The following CACNA1D variants were observed in gnomAD, a reference collection of about 807,000 sequenced individuals.
The protein encoded by CACNA1D is voltage-dependent L-type calcium channel subunit alpha-1D.
Under a neutral mutation model 257.1 loss-of-function variants are expected in CACNA1D, and 55 were observed. The observed-to-expected ratio is 0.21, with a 90% CI of 0.17 to 0.27. CACNA1D has a LOEUF of 0.27. Ranked by LOEUF, CACNA1D falls within the 10% of genes least tolerant of loss-of-function variation. The pLI is 1.00. For synonymous variants in CACNA1D, 980 were observed against 1,014.9 expected (o/e 0.97, Z 0.65); for missense variants, 1,876 against 2,784.0 (o/e 0.67, Z 7.34).
chr3:53,498,483 T>C (rs1362346578), intron 2 of CACNA1D, among the ~76,000 whole-genome samples: 1 of 152,194 alleles, frequency 6.6e-6, no homozygotes, highest in Non-Finnish European at 1.5e-5. Flanking sequence ...AGATGATTCA[T>C]TGGTCTGGGT....
At chr3:53,548,020 A>G (rs975588409) in intron 3 of CACNA1D, among the ~76,000 whole-genome samples, 1 of 152,214 alleles carries the variant, frequency 6.6e-6, no homozygotes, top group Non-Finnish European at 1.5e-5. Context: ...CAGATTTTAC[A>G]GCTGGGTAGG....
intron 7 of CACNA1D, among the ~76,000 whole-genome samples, chr3:53,670,104 G>A (rs985375704): frequency 1.3e-5 from 2 of 152,140 alleles, no homozygotes; most frequent in African/African-American, 2.4e-5. Context: ...ACACTCCTAC[G>A]GAGGTGCTGG....
chr3:53,575,940 T>G lies in CACNA1D; in HGVS notation c.483+74220T>G, dbSNP rs1575939019. On this transcript the variant is annotated intron_variant, in intron 3 of 47. Transcript: ENST00000350061. ...TTCCTTGACTGGCAAATTTTTTTTC[T>G]GTTCTTAAAATTAAGCTTATAAATG... 2.6e-5 allele frequency among the ~76,000 whole-genome samples: 4 copies of G among 152,336 alleles called. No homozygotes were observed. The South Asian group carries it at 8.3e-4, about 32-fold the overall frequency.
At chr3:53,712,950 G>A (rs535896247) in intron 9 of CACNA1D, among the ~76,000 whole-genome samples, 69 of 152,190 alleles carry the variant, frequency 4.5e-4, no homozygotes, top group Non-Finnish European at 9.4e-4. Context: ...CTTGACTGGA[G>A]GACTGAGGCT....
At chr3:53,665,628 C>T (rs1303687199) in intron 5 of CACNA1D, 32 bp from the exon 6 acceptor site, 1 of 1,596,808 alleles carries the variant, frequency 6.3e-7, no homozygotes, top group Non-Finnish European at 8.6e-7. Context: ...GCCTTCCTGG[C>T]TCACAAACTT....
In CACNA1D at chr3:53,810,299, G is replaced by A. The variant is rs1298559319; in HGVS notation, c.6192+1G>A. On this transcript the variant is annotated splice_donor_variant, in intron 47 of 47. Coordinates refer to ENST00000350061, the MANE Select transcript of CACNA1D (RefSeq NM_001128840.3). LOFTEE classifies it high-confidence loss of function. ...GAGTGCGGACAGCTTGGTGGAGGCA[G>A]TGAGTACGGTTCTTGGCCGTGGTGG... is the stretch of plus-strand genomic sequence containing the variant. 1 of 1,613,512 alleles carries A rather than the reference G, an allele frequency of 6.2e-7. No individual in the cohort carries two copies.
chr3:53,498,919 T>C (rs890593832), intron 2 of CACNA1D, among the ~76,000 whole-genome samples: 11 of 152,212 alleles, frequency 7.2e-5, no homozygotes, highest in Admixed American at 5.9e-4. Context: ...GTGTGCATTT[T>C]CTTTTGAAGT....
intron 19 of CACNA1D, among the ~76,000 whole-genome samples, chr3:53,734,549 G>C (rs981548958): frequency 6.6e-6 from 1 of 151,986 alleles, no homozygotes; most frequent in African/African-American, 2.4e-5. Context: ...TGAGGGTATG[G>C]ATAACCAGTT....
At chr3:53,566,907 C>T (rs939941289) in intron 3 of CACNA1D, among the ~76,000 whole-genome samples, 14 of 152,322 alleles carry the variant, frequency 9.2e-5, no homozygotes, top group African/African-American at 2.4e-4. Context: ...CTTCAGGGCT[C>T]GGACTGAGCC....
chr3:53,802,059 G>A, intron 42 of CACNA1D, 88 bp from the exon 43 acceptor site: 2 of 1,154,666 alleles, frequency 1.7e-6, no homozygotes, highest in Admixed American at 3.4e-5. Flanking sequence ...CCTACTCTAG[G>A]AGGTAGCCTG....
At chr3:53,753,148 G>T (rs1253036119) in intron 28 of CACNA1D, among the ~76,000 whole-genome samples, 1 of 152,154 alleles carries the variant, frequency 6.6e-6, no homozygotes, top group African/African-American at 2.4e-5. Context: ...TGCTGACGTA[G>T]AAGAAAGTGT....
At chr3:53,599,279 C>A (rs1271040904) in intron 3 of CACNA1D, among the ~76,000 whole-genome samples, 1 of 152,118 alleles carries the variant, frequency 6.6e-6, no homozygotes, top group Non-Finnish European at 1.5e-5. Context: ...GGACTTTTGG[C>A]TGTTTTCCTC....
At chr3:53,540,827 C>T (rs940736813) in intron 3 of CACNA1D, among the ~76,000 whole-genome samples, 2 of 151,960 alleles carry the variant, frequency 1.3e-5, no homozygotes, top group Non-Finnish European at 2.9e-5. Flanking sequence ...CTGCTACCTC[C>T]GCCTCCTGGG....
intron 42 of CACNA1D, 57 bp from the exon 43 acceptor site, chr3:53,802,090 G>T (rs2095539164): frequency 1.4e-6 from 2 of 1,448,422 alleles, no homozygotes; most frequent in East Asian, 4.5e-5. Context: ...TGTAAATTTG[G>T]TTGGAAATTA....
In CACNA1D at chr3:53,812,431, G is replaced by GAGTC. The variant is rs1198661919; in HGVS notation, c.*1027_*1030dup. On this transcript the variant is annotated 3_prime_UTR_variant, in exon 48 of 48. Transcript: ENST00000350061. ...TACAGAAATTTTTCTAAAATATTTTGAGTCACTATAAACCTATCATCTTTC... is the reference window on the plus strand; with the variant it reads ...TACAGAAATTTTTCTAAAATATTTTGAGTCAGTCACTATAAACCTATCATCTTTC... 1.3e-5 allele frequency: 2 copies of GAGTC among 152,160 alleles called. No homozygotes were observed. Among genetic ancestry groups the GAGTC allele is most frequent in the African/African-American group, 4.8e-5 (2 of 41,432 alleles). 9.4% of individuals were successfully genotyped at this position (152,160 alleles called of 1,614,324 possible).
At chr3:53,525,642 C>A (rs942476581) in intron 3 of CACNA1D, among the ~76,000 whole-genome samples, 3 of 152,064 alleles carry the variant, frequency 2.0e-5, no homozygotes, top group Non-Finnish European at 2.9e-5. Context: ...TGAAGGTGAC[C>A]TATATAATTC....
chr3:53,495,377 G>A lies in CACNA1D; in HGVS notation c.67+144G>A, dbSNP rs570577081. ...CTCGGTGTCGTCTACACAGAGAGGGGACATGCGTGACAGCCACTCCGCGCT... is the reference window on the plus strand; with the variant it reads ...CTCGGTGTCGTCTACACAGAGAGGGAACATGCGTGACAGCCACTCCGCGCT... On this transcript the variant is annotated intron_variant, in intron 1 of 47. Coordinates refer to ENST00000350061, the MANE Select transcript of CACNA1D (RefSeq NM_001128840.3). The surrounding 1 kb of genome is among the most constrained non-coding windows in gnomAD (Gnocchi z 5.1). 8 of 891,736 alleles carry A rather than the reference G, an allele frequency of 9.0e-6. No individual in the cohort carries two copies. The East Asian group carries it at 2.0e-4, about 23-fold the overall frequency. The allele number at this position is 891,736 out of a possible 1,614,324, so 55.2% of individuals were successfully genotyped here. A position where few individuals can be genotyped will look rare whatever the true frequency, so the allele number is the denominator to read the frequency against.
At chr3:53,613,240 T>C (rs1204879559) in intron 3 of CACNA1D, among the ~76,000 whole-genome samples, 1 of 152,244 alleles carries the variant, frequency 6.6e-6, no homozygotes, top group Non-Finnish European at 1.5e-5. Flanking sequence ...ATGCTTTGCA[T>C]TGGCTTCTGC....
At chr3:53,627,735 G>A (rs746336911) in intron 3 of CACNA1D, among the ~76,000 whole-genome samples, 7 of 152,216 alleles carry the variant, frequency 4.6e-5, no homozygotes, top group East Asian at 1.9e-4. Context: ...TATTCAGGCC[G>A]GGTGTGGTGA....
Sources: allele counts gnomAD v4.1 joint callset (sites outside exome capture counted in the v4.1 genomes callset), GRCh38; gene constraint gnomAD v4.1.1; non-coding constraint Gnocchi (gnomAD v3.1); transcripts MANE v1.5; gene names NCBI Gene and HGNC (gene_info 2026-07-23, HGNC 2026-07-21).